The following TMEM165 variants were observed in gnomAD, a reference collection of about 807,000 sequenced individuals.
TMEM165 encodes putative divalent cation/proton antiporter TMEM165.
A neutral mutation model predicts 30.0 loss-of-function variants in TMEM165; 19 were observed. The observed-to-expected ratio is 0.63, with a 90% CI of 0.44 to 0.93. The LOEUF (loss-of-function observed/expected upper bound fraction) is 0.93, where lower values mean the gene tolerates loss of function less well. Ranked by LOEUF, TMEM165 falls within the 40% of genes least tolerant of loss-of-function variation. TMEM165 has a pLI of 0.00. For synonymous variants in TMEM165, 168 were observed against 162.9 expected (o/e 1.03, Z -0.24); for missense variants, 340 against 417.0 (o/e 0.82, Z 1.61).
intron 2 of TMEM165, chr4:55,416,841 C>T (rs777755093): frequency 6.4e-5 from 24 of 376,684 alleles, no homozygotes; most frequent in Non-Finnish European, 9.0e-5. Flanking sequence ...GTGCCATCTT[C>T]AACTGGACCA....
At chr4:55,402,809 T>TTTTTTTTTTTTTTTTTTTAA (rs1560387581) in intron 1 of TMEM165, among the ~76,000 whole-genome samples, 1 of 131,996 alleles carries the variant, frequency 7.6e-6, no homozygotes, top group Non-Finnish European at 1.6e-5. Flanking sequence ...TTTTTTTTTT[T>TTTTTTTTTTTTTTTTTTTAA]GAGACGGAGT....
In TMEM165 at chr4:55,448,616, G is replaced by A. The variant is rs986173816; in HGVS notation, c.409-3623G>A. Among the ~76,000 whole-genome samples the A allele has an allele frequency of 5.3e-5, 7 of 130,878 alleles. No homozygotes were observed. In the East Asian group the frequency reaches 1.2e-3, roughly 22 times the overall value. 85.9% of individuals were successfully genotyped at this position (130,878 alleles called of 152,430 possible). On this transcript the variant is annotated intron_variant, in intron 3 of 3. Transcript: ENST00000608091. The stretch of plus-strand genomic sequence containing the variant: ...CGCACGCGCGCGTGTGTGTGTGTGT[G>A]TGTGTGTGTGTGTGTGTGTGTGTGT...
At chr4:55,442,637 G>A in intron 3 of TMEM165, 1 of 1,612,008 alleles carries the variant, frequency 6.2e-7, no homozygotes, top group Non-Finnish European at 8.5e-7. Flanking sequence ...TGTTGACTCT[G>A]TTAAAAATAA....
intron 3 of TMEM165, chr4:55,438,254 G>C (rs200153193): frequency 3.7e-6 from 6 of 1,613,514 alleles, no homozygotes; most frequent in Admixed American, 1.7e-5. Context: ...AAATGAGTTT[G>C]AAGCAGCTTC....
intron 3 of TMEM165, chr4:55,432,453 G>T (rs1020784541): frequency 6.8e-6 from 1 of 146,612 alleles, no homozygotes; most frequent in Non-Finnish European, 1.5e-5. Context: ...TTAAGAAAGT[G>T]AGAATAAAGC....
At chr4:55,417,736 A>G (rs1721797141) in intron 3 of TMEM165, 67 bp from the exon 4 acceptor site, 3 of 1,285,454 alleles carry the variant, frequency 2.3e-6, no homozygotes, top group Non-Finnish European at 3.2e-6. Flanking sequence ...TAGAAAAGTC[A>G]AGTGATTTGT....
In TMEM165 at chr4:55,396,400, A is replaced by G; in HGVS notation, c.207+4A>G. 2 of 1,475,430 alleles carry G rather than the reference A, an allele frequency of 1.4e-6. No individual in the cohort carries two copies. The highest frequency in any genetic ancestry group is 1.8e-6 in the Non-Finnish European group (2 of 1,119,246). 91.4% of individuals were successfully genotyped at this position (1,475,430 alleles called of 1,614,324 possible). ...CCCCGAGCCGGCCCGGGTCGAGGTGAGCGGGCCGGGATGGGGCGAGCGAGG... is the reference window on the plus strand; with the variant it reads ...CCCCGAGCCGGCCCGGGTCGAGGTGGGCGGGCCGGGATGGGGCGAGCGAGG... On this transcript the variant is annotated splice_donor_region_variant and intron_variant, in intron 1 of 5. Transcript: ENST00000381334.
chr4:55,430,854 G>A (rs929394023), downstream of TMEM165: 2 of 152,150 alleles, frequency 1.3e-5, no homozygotes, highest in Admixed American at 1.3e-4. Flanking sequence ...GGCAAGATAG[G>A]TTTACAATAG....
intron 4 of TMEM165, among the ~76,000 whole-genome samples, chr4:55,421,413 A>T (rs1222830738): frequency 7.0e-6 from 1 of 141,962 alleles, no homozygotes; most frequent in East Asian, 2.1e-4. Flanking sequence ...CCATCCTCCC[A>T]CCTCAGCCTT....
At chr4:55,450,328 G>C in intron 3 of TMEM165, 1 of 1,487,062 alleles carries the variant, frequency 6.7e-7, no homozygotes, top group Non-Finnish European at 9.3e-7. Context: ...ATCAGTTTTT[G>C]TCTATAACAA....
At chr4:55,415,515 G>T (rs772242824) in intron 2 of TMEM165, 1 of 152,156 alleles carries the variant, frequency 6.6e-6, no homozygotes, top group Non-Finnish European at 1.5e-5. Flanking sequence ...TAGAACCCAA[G>T]ATCTAGGTGC....
At chr4:55,409,762 C>T (rs970822347) in intron 1 of TMEM165, among the ~76,000 whole-genome samples, 16 of 152,166 alleles carry the variant, frequency 1.1e-4, no homozygotes, top group African/African-American at 3.1e-4. Flanking sequence ...GGAACTCAGA[C>T]GTTGAGAAGA....
intron 3 of TMEM165, chr4:55,450,049 A>T: frequency 6.2e-7 from 1 of 1,609,364 alleles, no homozygotes; most frequent in Non-Finnish European, 8.5e-7. Flanking sequence ...AAGTTTAGTT[A>T]GTTACTTTAA....
At chr4:55,408,899 G>A (rs1721377286) in intron 1 of TMEM165, among the ~76,000 whole-genome samples, 1 of 148,324 alleles carries the variant, frequency 6.7e-6, no homozygotes, top group South Asian at 2.2e-4. Flanking sequence ...ATGTGTCAGA[G>A]CCAAGTTGAA....
chr4:55,403,492 C>CTTTTTTTTT lies in TMEM165; in HGVS notation c.207+7101_207+7102insTTTTTTTTT, dbSNP rs71664292. Among the ~76,000 whole-genome samples the CTTTTTTTTT allele has an allele frequency of 1.0e-4, 13 of 124,456 alleles. 1 individual carries two copies. The highest frequency in any genetic ancestry group is 1.6e-4 in the Admixed American group (2 of 12,220). The allele number at this position is 124,456 out of a possible 152,430, so 81.6% of individuals were successfully genotyped here. A position where few individuals can be genotyped will look rare whatever the true frequency, so the allele number is the denominator to read the frequency against. On this transcript the variant is annotated intron_variant, in intron 1 of 5. Transcript: ENST00000381334. Reference sequence around the variant, plus strand: ...ACTTTCTAAATGAGGGTGCCTTTTTCTTTTTCTTTTTTTTTTTTTTACAAT... The same window carrying CTTTTTTTTT: ...ACTTTCTAAATGAGGGTGCCTTTTTCTTTTTTTTTTTTTTCTTTTTTTTTTTTTTACAAT...
intron 3 of TMEM165, chr4:55,443,974 A>C: frequency 7.7e-7 from 1 of 1,297,000 alleles, no homozygotes; most frequent in Non-Finnish European, 1.1e-6. Context: ...AGGCAAAATC[A>C]AGCTACAAAG....
intron 3 of TMEM165, chr4:55,450,178 A>G (rs768103694): frequency 2.5e-6 from 4 of 1,613,942 alleles, no homozygotes; most frequent in Admixed American, 1.7e-5. Flanking sequence ...AACCTTTCCA[A>G]TGCTTCCTTG....
intron 3 of TMEM165, chr4:55,431,766 G>A (rs1722520107): frequency 1.3e-5 from 2 of 152,176 alleles, no homozygotes; most frequent in Non-Finnish European, 2.9e-5. Context: ...CTTTTAAAAA[G>A]TTTGCCTCAA....
intron 1 of TMEM165, among the ~76,000 whole-genome samples, chr4:55,407,688 A>T (rs1453945323): frequency 1.3e-5 from 2 of 152,152 alleles, no homozygotes; most frequent in African/African-American, 4.8e-5. Flanking sequence ...CTTCAGTGAG[A>T]ACTGTTGGAT....
Sources: gnomAD v4.1 joint callset for allele counts (sites outside exome capture counted in the v4.1 genomes callset) on GRCh38, gnomAD v4.1.1 for gene constraint, MANE v1.5 for transcripts, NCBI Gene and HGNC (gene_info 2026-07-23, HGNC 2026-07-21) for gene names.